UGT1A4: variants seen among roughly 807,000 people sequenced by gnomAD.
The protein encoded by UGT1A4 is UDP-glucuronosyltransferase 1A4.
UGT1A4 carries 32 observed loss-of-function variants against 41.1 expected under a neutral mutation model. The ratio of observed to expected loss-of-function variants is 0.78; its 90% CI spans 0.59 to 1.05. UGT1A4 has a LOEUF of 1.05. UGT1A4 is among the 50% of genes least tolerant of loss of function. UGT1A4 has a pLI of 0.00. For synonymous variants in UGT1A4, 283 were observed against 265.1 expected (o/e 1.07, Z -0.66); for missense variants, 748 against 677.4 (o/e 1.10, Z -1.16).
At chr2:233,725,087 T>C (rs1168031372) in intron 1 of UGT1A4, among the ~76,000 whole-genome samples, 1 of 144,724 alleles carries the variant, frequency 6.9e-6, no homozygotes, top group Non-Finnish European at 1.5e-5. Flanking sequence ...CTCGGCAGGC[T>C]GAGGCAGGAG....
At chr2:233,746,445 G>GA (rs776336389) in intron 1 of UGT1A4, among the ~76,000 whole-genome samples, 23 of 151,700 alleles carry the variant, frequency 1.5e-4, no homozygotes, top group Non-Finnish European at 2.9e-4. Flanking sequence ...AGCTTAAAAA[G>GA]AAAGTACCTT....
At chr2:233,765,776 G>T (rs1408785034) in intron 1 of UGT1A4, among the ~76,000 whole-genome samples, 1 of 151,906 alleles carries the variant, frequency 6.6e-6, no homozygotes, top group South Asian at 2.1e-4. Flanking sequence ...GGGATTCATT[G>T]GACCACTGAA....
At chr2:233,753,567 A>C (rs1321356357) in intron 1 of UGT1A4, 2 of 152,130 alleles carry the variant, frequency 1.3e-5, no homozygotes, top group African/African-American at 4.8e-5. Context: ...AGAAGATGGG[A>C]CCCTTTGTGA....
At chr2:233,720,267 C>T (rs1380272478) in intron 1 of UGT1A4, among the ~76,000 whole-genome samples, 2 of 152,012 alleles carry the variant, frequency 1.3e-5, no homozygotes, top group African/African-American at 4.8e-5. Context: ...AGGGATCTGT[C>T]CTGAGAAAAG....
At chr2:233,721,960 C>T (rs1451442722) in intron 1 of UGT1A4, 10 of 313,544 alleles carry the variant, frequency 3.2e-5, no homozygotes, top group South Asian at 1.1e-4. Context: ...TTTGTATATG[C>T]ATACATTGAT....
chr2:233,738,651 A>G (rs1690862678), intron 1 of UGT1A4, among the ~76,000 whole-genome samples: 1 of 152,234 alleles, frequency 6.6e-6, no homozygotes, highest in Non-Finnish European at 1.5e-5. Context: ...GCTCTTTGGA[A>G]CTACGAACTT....
intron 4 of UGT1A4, 105 bp downstream of exon 4, chr2:233,768,544 TAA>T: frequency 7.0e-7 from 1 of 1,425,890 alleles, no homozygotes; most frequent in Non-Finnish European, 9.3e-7. Flanking sequence ...GTTTCAAATA[TAA>T]AAACAAATAC....
At position 233,758,850 on chromosome 2, in the gene UGT1A4, C is replaced by A. The variant is rs141810687; in HGVS notation, c.868-8184C>A. ...CAAAAAGAGTGTAATACTTCCAATT[C>A]TGGCTGCACAATACTTGCCCCATAG... On this transcript the variant is annotated intron_variant, in intron 1 of 4. Transcript: ENST00000373409. Among the ~76,000 whole-genome samples the A allele has an allele frequency of 4.5e-3, 678 of 152,282 alleles. 10 individuals are homozygous for A. The highest frequency in any genetic ancestry group is 0.015 in the African/African-American group (640 of 41,546).
At chr2:233,758,352 G>C (rs141624801) in intron 1 of UGT1A4, among the ~76,000 whole-genome samples, 5 of 152,316 alleles carry the variant, frequency 3.3e-5, no homozygotes, top group Middle Eastern at 3.4e-3. Context: ...GCATGATGCA[G>C]GAAAGTCATA....
At chr2:233,763,091 G>C (rs1453938427) in intron 1 of UGT1A4, among the ~76,000 whole-genome samples, 1 of 152,216 alleles carries the variant, frequency 6.6e-6, no homozygotes, top group Non-Finnish European at 1.5e-5. Context: ...ATGTTTGTAG[G>C]AGAGGCACCG....
intron 1 of UGT1A4, among the ~76,000 whole-genome samples, chr2:233,732,478 A>G (rs60103279): frequency 0.034 from 5,126 of 152,332 alleles, 101 homozygotes; most frequent in African/African-American, 0.051. Flanking sequence ...TCTGGAATTA[A>G]TTTTTGTATA....
chr2:233,753,174 A>G (rs1695146972), intron 1 of UGT1A4: 2 of 152,226 alleles, frequency 1.3e-5, no homozygotes, highest in South Asian at 4.1e-4. Context: ...ATCACTAAAA[A>G]ATGAACTCAT....
At position 233,747,983 on chromosome 2, in the gene UGT1A4, C is replaced by G. The variant is rs539831908; in HGVS notation, c.868-19051C>G. ...TCAGCCATGCATCTGTGTGGCTGTT[C>G]CGAGGGGACTTTGTGATGGATTACC... On this transcript the variant is annotated intron_variant, in intron 1 of 4. Transcript: ENST00000373409. The G allele has an allele frequency of 4.2e-5, 67 of 1,613,418 alleles. 2 individuals are homozygous for G. In the African/African-American group the frequency reaches 7.6e-4, roughly 18 times the overall value.
chr2:233,745,232 C>G (rs1693047388), intron 1 of UGT1A4, among the ~76,000 whole-genome samples: 1 of 151,800 alleles, frequency 6.6e-6, no homozygotes, highest in East Asian at 1.9e-4. Flanking sequence ...AAATACAGCA[C>G]TATTTACTGT....
Position 233,760,454 on chromosome 2 carries a change from A to C in UGT1A4, c.868-6580A>C, listed in dbSNP as rs140365717. 64 of 1,614,102 alleles carry C rather than the reference A, an allele frequency of 4.0e-5. No homozygotes were observed. The highest frequency in any genetic ancestry group is 5.0e-5 in the Non-Finnish European group (59 of 1,180,050). On this transcript the variant is annotated intron_variant, in intron 1 of 4. Coordinates refer to ENST00000373409, the MANE Select transcript of UGT1A4 (RefSeq NM_007120.3). Reference sequence around the variant, plus strand: ...CAGCAGCTGCAGCAGAGGGGACATGAAATAGTTGTCCTAGCACCTGACGCC... The same window carrying C: ...CAGCAGCTGCAGCAGAGGGGACATGCAATAGTTGTCCTAGCACCTGACGCC...
At chr2:233,760,299 G>T (rs781590934) in intron 1 of UGT1A4, 2 of 1,613,582 alleles carry the variant, frequency 1.2e-6, no homozygotes, top group East Asian at 2.2e-5. Context: ...TGGCTGTGGA[G>T]TCCCAGGGCG....
At chr2:233,747,425 A>T in intron 1 of UGT1A4, 8 of 1,445,640 alleles carry the variant, frequency 5.5e-6, no homozygotes, top group Non-Finnish European at 7.7e-6. Flanking sequence ...ACATCAAACA[A>T]GAGAAATTTT....
intron 1 of UGT1A4, chr2:233,741,606 TTCAG>T (rs1691716014): frequency 1.3e-5 from 2 of 151,870 alleles, no homozygotes; most frequent in South Asian, 4.1e-4. Context: ...GATTTCAGAG[TTCAG>T]TGTCAGACCC....
intron 1 of UGT1A4, among the ~76,000 whole-genome samples, chr2:233,758,507 A>T (rs1490366523): frequency 6.6e-6 from 1 of 152,224 alleles, no homozygotes; most frequent in Non-Finnish European, 1.5e-5. Flanking sequence ...TCTAATAAGG[A>T]CACAACAAAG....
Sources: allele counts gnomAD v4.1 joint callset (sites outside exome capture counted in the v4.1 genomes callset), GRCh38; gene constraint gnomAD v4.1.1; transcripts MANE v1.5; gene names NCBI Gene and HGNC (gene_info 2026-07-23, HGNC 2026-07-21).